Variants in MANEA observed in about 807,000 individuals in gnomAD.
The protein encoded by MANEA is mannosidase endo-alpha.
Under a neutral mutation model 36.8 loss-of-function variants are expected in MANEA, and 25 were observed. The observed-to-expected ratio is 0.68, with a 90% CI of 0.50 to 0.95. The LOEUF (loss-of-function observed/expected upper bound fraction) is 0.95. Among genes scored for constraint, MANEA ranks in the 40% least tolerant of loss-of-function variants. The pLI, the probability that MANEA is intolerant of heterozygous loss-of-function variation, is 0.00. For missense variants in MANEA, 565 were observed against 558.8 expected (o/e 1.01, Z -0.11); for synonymous variants, 198 against 188.5 (o/e 1.05, Z -0.41).
chr6:95,583,873 G>A (rs1769230850), intron 1 of MANEA, among the ~76,000 whole-genome samples: 1 of 152,116 alleles, frequency 6.6e-6, no homozygotes, highest in Non-Finnish European at 1.5e-5. Context: ...TAATTCTTAT[G>A]ATTTTAGCTG....
chr6:95,591,583 A>G (rs921977293), intron 2 of MANEA, among the ~76,000 whole-genome samples: 3 of 150,700 alleles, frequency 2.0e-5, no homozygotes, highest in Non-Finnish European at 4.4e-5. Context: ...CAGTCTAAAC[A>G]TGGTATGGTT....
chr6:95,584,049 A>C (rs1472170625), intron 1 of MANEA, among the ~76,000 whole-genome samples: 1 of 152,158 alleles, frequency 6.6e-6, no homozygotes, highest in Non-Finnish European at 1.5e-5. Flanking sequence ...TACTCTTATA[A>C]TTTCTTATGC....
chr6:95,596,756 G>T lies in MANEA; in HGVS notation c.564G>T (p.Trp188Cys). The change falls in exon 3 of 5, where the codon TGG (tryptophan) becomes TGT (cysteine). Residue 188 changes from tryptophan to cysteine, a missense_variant. By Grantham distance (215) the Trp-to-Cys change is radical (BLOSUM62 -2). Transcript: ENST00000358812. ...SASIGVLALS[W>C]YPPDVNDENG... ...TATTAGGTGTACTAGCCCTCTCTTG[G>T]TACCCACCTGATGTAAATGATGAAA... The T allele has an allele frequency of 6.2e-7, 1 of 1,600,382 alleles. No individual in the cohort carries two copies. The highest frequency in any genetic ancestry group is 8.6e-7 in the Non-Finnish European group (1 of 1,168,226).
chr6:95,604,781 C>G, intron 3 of MANEA, 46 bp from the exon 4 acceptor site: 1 of 752,300 alleles, frequency 1.3e-6, no homozygotes, highest in Non-Finnish European at 2.1e-6. Flanking sequence ...TCTAATTTTA[C>G]ATTATAGATA....
chr6:95,584,876 A>G (rs1198332088), intron 1 of MANEA, among the ~76,000 whole-genome samples: 2 of 152,206 alleles, frequency 1.3e-5, no homozygotes, highest in Non-Finnish European at 2.9e-5. Flanking sequence ...GAAAGAACCT[A>G]CGTTGAAATA....
At chr6:95,598,588 G>C (rs1332595419) in intron 3 of MANEA, among the ~76,000 whole-genome samples, 1 of 151,950 alleles carries the variant, frequency 6.6e-6, no homozygotes, top group Non-Finnish European at 1.5e-5. Flanking sequence ...CATAAATCTT[G>C]GCAATGACGT....
chr6:95,591,401 TTTC>T (rs1769383172), intron 2 of MANEA, among the ~76,000 whole-genome samples: 2 of 152,104 alleles, frequency 1.3e-5, no homozygotes, highest in African/African-American at 4.8e-5. Context: ...CATTTCTTTT[TTTC>T]TTCTTTTTCT....
In MANEA at chr6:95,578,770, T is replaced by A. The variant is rs193066845; in HGVS notation, c.-39+1132T>A. Among the ~76,000 whole-genome samples the A allele has an allele frequency of 1.6e-3, 239 of 152,300 alleles. 1 individual carries two copies. The highest frequency in any genetic ancestry group is 5.7e-3 in the African/African-American group (235 of 41,566). ...GTCTTTAGATGAAGTTTGGGCACAGTTTATGGAGTAGGTAACAGTTAATCA... is the reference window on the plus strand; with the variant it reads ...GTCTTTAGATGAAGTTTGGGCACAGATTATGGAGTAGGTAACAGTTAATCA... On this transcript the variant is annotated intron_variant, in intron 1 of 4. Transcript: ENST00000358812.
At chr6:95,595,996 A>G (rs914383909) in intron 2 of MANEA, among the ~76,000 whole-genome samples, 1 of 152,174 alleles carries the variant, frequency 6.6e-6, no homozygotes, top group Non-Finnish European at 1.5e-5. Context: ...ACAATGGCAT[A>G]TTATGCAGCA....
Position 95,586,991 on chromosome 6 carries a change from T to TTG in MANEA, c.544+10_544+11dup, listed in dbSNP as rs746889092. On this transcript the variant is annotated intron_variant, in intron 2 of 4. Coordinates refer to ENST00000358812, the MANE Select transcript of MANEA (RefSeq NM_024641.4). ...TGCGCTCAGCTTCAATTGGTAATTA[T>TTG]TGTATATATATATATGTGTGTTTGT... The TTG allele has an allele frequency of 3.2e-5, 45 of 1,387,106 alleles. 1 individual carries two copies. Among genetic ancestry groups the TTG allele is most frequent in the Middle Eastern group, 1.8e-4 (1 of 5,554 alleles). The allele number at this position is 1,387,106 out of a possible 1,614,324, so 85.9% of individuals were successfully genotyped here. A position where few individuals can be genotyped will look rare whatever the true frequency, so the allele number is the denominator to read the frequency against.
Position 95,596,420 on chromosome 6 carries a change from T to C in MANEA, c.545-317T>C, listed in dbSNP as rs1769484370. Among the ~76,000 whole-genome samples, 3 of 152,070 alleles carry C rather than the reference T, an allele frequency of 2.0e-5. No homozygotes were observed. In the South Asian group the frequency reaches 6.2e-4, roughly 32 times the overall value. ...AAGATGTTAATTATAGGAGAAACCG[T>C]GTGGAGGGTTGGGGCAGGTAGGAGG... On this transcript the variant is annotated intron_variant, in intron 2 of 4. Coordinates refer to ENST00000358812, the MANE Select transcript of MANEA (RefSeq NM_024641.4).
chr6:95,587,957 A>G (rs577229800), intron 2 of MANEA, among the ~76,000 whole-genome samples: 3 of 151,130 alleles, frequency 2.0e-5, no homozygotes, highest in Non-Finnish European at 4.4e-5. Flanking sequence ...TGTTTTATTT[A>G]TAACTGTACC....
chr6:95,588,514 G>A (rs961697832), intron 2 of MANEA, among the ~76,000 whole-genome samples: 1 of 151,830 alleles, frequency 6.6e-6, no homozygotes, highest in Non-Finnish European at 1.5e-5. Flanking sequence ...CTTCTGTGTG[G>A]TCAATATGTA....
intron 2 of MANEA, among the ~76,000 whole-genome samples, chr6:95,595,146 T>C (rs1023088141): frequency 6.6e-6 from 1 of 152,174 alleles, no homozygotes; most frequent in African/African-American, 2.4e-5. Flanking sequence ...GTTTAATATT[T>C]TTTCTTATTT....
At chr6:95,599,058 A>AT (rs1769538623) in intron 3 of MANEA, among the ~76,000 whole-genome samples, 1 of 152,186 alleles carries the variant, frequency 6.6e-6, no homozygotes, top group Non-Finnish European at 1.5e-5. Context: ...TATATTAGAT[A>AT]ATATATGTAA....
At chr6:95,602,260 G>A (rs770728090) in intron 3 of MANEA, among the ~76,000 whole-genome samples, 5 of 152,164 alleles carry the variant, frequency 3.3e-5, no homozygotes, top group Non-Finnish European at 7.3e-5. Flanking sequence ...TAAGAAGAAG[G>A]ATGAAGTATT....
rs148967607 is a variant in MANEA, at chr6:95,587,005, A to ATATGTG, written c.544+23_544+24insATGTGT. 2.3e-4 allele frequency: 314 copies of ATATGTG among 1,337,094 alleles called. 3 individuals carry two copies. The highest frequency in any genetic ancestry group is 5.7e-4 in the Middle Eastern group (3 of 5,306). The allele number at this position is 1,337,094 out of a possible 1,614,324, so 82.8% of individuals were successfully genotyped here. ...ATTGGTAATTATTGTATATATATAT[A>ATATGTG]TGTGTGTTTGTGTCTGTATATATGC... On this transcript the variant is annotated intron_variant, in intron 2 of 4. Coordinates refer to ENST00000358812, the MANE Select transcript of MANEA (RefSeq NM_024641.4).
In MANEA at chr6:95,607,735, A is replaced by T. The variant is rs1430625178; in HGVS notation, c.*1330A>T. The stretch of plus-strand genomic sequence containing the variant: ...TTAAAAACTAAATAAAATGCACTGT[A>T]TTCTTACAGTTAATGTTTATAACTA... On this transcript the variant is annotated 3_prime_UTR_variant, in exon 5 of 5. Coordinates refer to ENST00000358812, the MANE Select transcript of MANEA (RefSeq NM_024641.4). 1 of 151,740 alleles carries T rather than the reference A, an allele frequency of 6.6e-6. No homozygotes were observed. The highest frequency in any genetic ancestry group is 2.4e-5 in the African/African-American group (1 of 41,428). The allele number at this position is 151,740 out of a possible 1,614,324, so 9.4% of individuals were successfully genotyped here.
intron 2 of MANEA, among the ~76,000 whole-genome samples, chr6:95,594,052 T>C (rs953416796): frequency 2.6e-5 from 4 of 151,154 alleles, no homozygotes; most frequent in African/African-American, 9.8e-5. Context: ...CAGAGCAAGA[T>C]TCCGTCTCAA....
Sources: allele counts gnomAD v4.1 joint callset (sites outside exome capture counted in the v4.1 genomes callset), GRCh38; gene constraint gnomAD v4.1.1; transcripts MANE v1.5; gene names NCBI Gene and HGNC (gene_info 2026-07-23, HGNC 2026-07-21).